Variants in SLC24A3 observed in about 807,000 individuals in gnomAD.
SLC24A3 encodes the protein sodium/potassium/calcium exchanger 3.
A neutral mutation model predicts 75.8 loss-of-function variants in SLC24A3; 28 were observed. That is an observed-to-expected ratio of 0.37 (90% CI 0.27 to 0.51). The LOEUF (loss-of-function observed/expected upper bound fraction) is 0.51, where lower values mean the gene tolerates loss of function less well. SLC24A3 is among the 20% of genes least tolerant of loss of function. SLC24A3 has a pLI of 0.94. For synonymous variants in SLC24A3, 372 were observed against 334.1 expected (o/e 1.11, Z -1.24); for missense variants, 663 against 847.8 (o/e 0.78, Z 2.71).
chr20:19,628,441 A>G (rs2031893479), intron 6 of SLC24A3, among the ~76,000 whole-genome samples: 1 of 152,152 alleles, frequency 6.6e-6, no homozygotes, highest in Non-Finnish European at 1.5e-5. Context: ...ACCCCAGGTG[A>G]GTACAACACC....
chr20:19,541,828 T>A lies in SLC24A3; in HGVS notation c.348+26264T>A, dbSNP rs562610887. Among the ~76,000 whole-genome samples, 13 of 152,352 alleles carry A rather than the reference T, an allele frequency of 8.5e-5. No homozygotes were observed. The East Asian group carries it at 2.3e-3, about 27-fold the overall frequency. ...TGTGCGGCTATGGGTCCATCTCTCC[T>A]CTCACACATTCTCGAGGTTTGCACA... On this transcript the variant is annotated intron_variant, in intron 3 of 16. Coordinates refer to ENST00000328041, the MANE Select transcript of SLC24A3 (RefSeq NM_020689.4).
intron 3 of SLC24A3, among the ~76,000 whole-genome samples, chr20:19,579,639 G>A (rs961382934): frequency 2.6e-5 from 4 of 152,206 alleles, no homozygotes; most frequent in African/African-American, 4.8e-5. Context: ...AAATGGGAGC[G>A]GGGGAAAGAG....
chr20:19,292,388 T>G (rs1983962152), intron 2 of SLC24A3, among the ~76,000 whole-genome samples: 1 of 152,146 alleles, frequency 6.6e-6, no homozygotes, highest in Non-Finnish European at 1.5e-5. Context: ...GCAGGTAAAA[T>G]GAATTTGACA....
chr20:19,586,838 C>G (rs2122639529), intron 6 of SLC24A3, among the ~76,000 whole-genome samples: 1 of 152,340 alleles, frequency 6.6e-6, no homozygotes, highest in Admixed American at 6.5e-5. Flanking sequence ...TGACTGAGCT[C>G]TGCTCAGCTC....
intron 6 of SLC24A3, among the ~76,000 whole-genome samples, chr20:19,634,767 CGGGGGGGACACT>C (rs1568680226): frequency 6.6e-6 from 1 of 151,302 alleles, no homozygotes; most frequent in Non-Finnish European, 1.5e-5. Flanking sequence ...GACTGGAAGC[CGGGGGGGACACT>C]TTTCTGTGTG....
chr20:19,709,176 AGCTGGGGG>A (rs1440624430), intron 15 of SLC24A3, among the ~76,000 whole-genome samples: 60 of 152,196 alleles, frequency 3.9e-4, no homozygotes, highest in African/African-American at 1.3e-3. Flanking sequence ...GGGGCAAGGG[AGCTGGGGG>A]GTTTATTCAC....
At position 19,722,481 on chromosome 20, in the gene SLC24A3, G is replaced by A. The variant is rs1432056711; in HGVS notation, c.*1341G>A. ...TTGCCAATCACTGCTCAACAGCCCT[G>A]CTAGATTTTGTATGATGCTGAATTA... On this transcript the variant is annotated 3_prime_UTR_variant, in exon 17 of 17. Coordinates refer to ENST00000328041, the MANE Select transcript of SLC24A3 (RefSeq NM_020689.4). The A allele has an allele frequency of 3.3e-5, 5 of 152,666 alleles. No homozygotes were observed. The highest frequency in any genetic ancestry group is 1.2e-4 in the African/African-American group (5 of 41,454). The allele number at this position is 152,666 out of a possible 1,614,324, so 9.5% of individuals were successfully genotyped here.
chr20:19,320,823 C>T (rs8117434), intron 2 of SLC24A3, among the ~76,000 whole-genome samples: 1 of 151,832 alleles, frequency 6.6e-6, no homozygotes, highest in Non-Finnish European at 1.5e-5. Context: ...TACGAGAAAA[C>T]AGTCTGTACA....
intron 2 of SLC24A3, among the ~76,000 whole-genome samples, chr20:19,493,259 A>C (rs1988233540): frequency 6.6e-6 from 1 of 152,164 alleles, no homozygotes; most frequent in African/African-American, 2.4e-5. Flanking sequence ...ACCATCTCAG[A>C]TCTTATCTCT....
intron 1 of SLC24A3, among the ~76,000 whole-genome samples, chr20:19,234,821 A>T (rs887861672): frequency 3.3e-5 from 5 of 152,116 alleles, no homozygotes; most frequent in Admixed American, 3.3e-4. Flanking sequence ...GATTATTTTG[A>T]TGGTTGGCCC....
chr20:19,613,727 G>C (rs2031700694), intron 6 of SLC24A3, among the ~76,000 whole-genome samples: 1 of 152,130 alleles, frequency 6.6e-6, no homozygotes. Context: ...TTATTCTCTA[G>C]AAGTGTAATG....
rs752770400 is a variant in SLC24A3 at position 19,281,049 on chromosome 20, A to C, written c.233A>C (p.Asp78Ala). 4 of 1,614,214 alleles carry C rather than the reference A, an allele frequency of 2.5e-6. No individual in the cohort carries two copies. In the South Asian group the frequency reaches 4.4e-5, roughly 18 times the overall value. The change falls in exon 2 of 17, where the codon GAT becomes GCT. Residue 78 changes from aspartate (D) to alanine (A), a missense_variant. Asp to Ala is a moderately radical substitution (Grantham distance 126, BLOSUM62 -2). This residue lies in a region of SLC24A3 where 153 missense variants were observed against 144.2 expected (regional missense o/e 1.06). Coordinates refer to ENST00000328041, the MANE Select transcript of SLC24A3 (RefSeq NM_020689.4). ...MQVNDTLTSEDAGLRNSKNCT... is the reference protein window; with the variant it reads ...MQVNDTLTSEAAGLRNSKNCT... ...GTGAACGACACTCTGACTTCCGAAG[A>C]TGCCGGACTCCGGAACAGCAAGAAC...
chr20:19,716,364 C>T (rs575853223), intron 15 of SLC24A3, among the ~76,000 whole-genome samples: 1 of 151,948 alleles, frequency 6.6e-6, no homozygotes, highest in South Asian at 2.1e-4. Context: ...ATTATAGCCA[C>T]AACCACATGT....
At chr20:19,427,479 G>A (rs73288767) in intron 2 of SLC24A3, among the ~76,000 whole-genome samples, 5,213 of 152,284 alleles carry the variant, frequency 0.034, 304 homozygotes, top group African/African-American at 0.12. Flanking sequence ...GAAAGAAATC[G>A]ATTTTATGTT....
At chr20:19,364,158 T>C (rs1600449394) in intron 2 of SLC24A3, among the ~76,000 whole-genome samples, 1 of 152,200 alleles carries the variant, frequency 6.6e-6, no homozygotes, top group Admixed American at 6.5e-5. Flanking sequence ...AGATATCTGG[T>C]GTTTGGAGAA....
chr20:19,217,596 G>A (rs1981596925), intron 1 of SLC24A3, among the ~76,000 whole-genome samples: 1 of 152,176 alleles, frequency 6.6e-6, no homozygotes, highest in Non-Finnish European at 1.5e-5. Flanking sequence ...AAATTGCAGA[G>A]CTGAGAGCCC....
chr20:19,521,069 G>A (rs551255321), intron 3 of SLC24A3, among the ~76,000 whole-genome samples: 15 of 152,172 alleles, frequency 9.9e-5, no homozygotes, highest in Non-Finnish European at 1.3e-4. Flanking sequence ...TCTGGATTTT[G>A]TGTTATTCCT....
intron 1 of SLC24A3, among the ~76,000 whole-genome samples, chr20:19,230,678 A>G (rs1859968055): frequency 6.7e-6 from 1 of 150,216 alleles, no homozygotes; most frequent in South Asian, 2.1e-4. Flanking sequence ...GGTGCCCTTT[A>G]CAACAGTTCC....
At chr20:19,671,013 T>C (rs2032459804) in intron 8 of SLC24A3, among the ~76,000 whole-genome samples, 1 of 152,190 alleles carries the variant, frequency 6.6e-6, no homozygotes, top group African/African-American at 2.4e-5. Context: ...GTTAGTTACA[T>C]AATAAATGAG....
Sources: allele counts gnomAD v4.1 joint callset (sites outside exome capture counted in the v4.1 genomes callset), GRCh38; gene constraint gnomAD v4.1.1; regional missense constraint gnomAD v4.1.1; transcripts MANE v1.5; gene names NCBI Gene and HGNC (gene_info 2026-07-23, HGNC 2026-07-21).